The following CNTNAP4 variants were observed in gnomAD, a reference collection of about 807,000 sequenced individuals.
CNTNAP4 encodes contactin associated protein family member 4, also known as contactin-associated protein-like 4.
Under a neutral mutation model 148.4 loss-of-function variants are expected in CNTNAP4, and 98 were observed. That is an observed-to-expected ratio of 0.66 (90% CI 0.56 to 0.78). CNTNAP4 has a LOEUF of 0.78. CNTNAP4 is among the 30% of genes least tolerant of loss of function. The pLI is 0.00. For synonymous variants in CNTNAP4, 730 were observed against 565.1 expected (o/e 1.29, Z -4.14); for missense variants, 1,935 against 1,565.6 (o/e 1.24, Z -3.98).
chr16:76,343,637 T>C (rs764422383), intron 2 of CNTNAP4, among the ~76,000 whole-genome samples: 7 of 152,184 alleles, frequency 4.6e-5, no homozygotes, highest in Non-Finnish European at 8.8e-5. Flanking sequence ...AGTGCCTAGA[T>C]TGGAAAAATC....
At chr16:76,482,014 T>TA (rs1359041395) in intron 12 of CNTNAP4, among the ~76,000 whole-genome samples, 1 of 152,018 alleles carries the variant, frequency 6.6e-6, no homozygotes, top group Non-Finnish European at 1.5e-5. Flanking sequence ...TTTTTATTTT[T>TA]TTTTTTAATT....
intron 10 of CNTNAP4, among the ~76,000 whole-genome samples, chr16:76,474,488 C>G (rs9931673): frequency 6.6e-6 from 1 of 152,130 alleles, no homozygotes; most frequent in African/African-American, 2.4e-5. Context: ...CATAATATCT[C>G]TTTCAGATAA....
Position 76,539,756 on chromosome 16 carries a change from A to G in CNTNAP4, c.3258A>G (p.Gln1086=), listed in dbSNP as rs2084369206. The change falls in exon 20 of 24, where the codon CAA becomes CAG. Residue 1086 remains glutamine, a synonymous_variant. Transcript: ENST00000611870. ...TCAGGTACAAGTTAAATAAATATCA[A>G]GAGCCTGATGTTGTTAACTTTGATT... ...LQIRYKLNKY[Q]EPDVVNFDFK... The G allele has an allele frequency of 6.2e-7, 1 of 1,601,618 alleles. No homozygotes were observed. Among genetic ancestry groups the G allele is most frequent in the African/African-American group, 1.3e-5 (1 of 74,296 alleles).
intron 9 of CNTNAP4, among the ~76,000 whole-genome samples, chr16:76,466,593 T>C (rs571364317): frequency 6.6e-6 from 1 of 152,096 alleles, no homozygotes; most frequent in Non-Finnish European, 1.5e-5. Context: ...GATAAACTTA[T>C]TTATTCCACT....
intron 8 of CNTNAP4, among the ~76,000 whole-genome samples, chr16:76,453,812 C>T (rs892238759): frequency 5.3e-5 from 8 of 151,818 alleles, no homozygotes; most frequent in South Asian, 2.1e-4. Flanking sequence ...ACCGAGAATT[C>T]GATATTAGTT....
chr16:76,279,646 AT>A (rs1450017654), intron 1 of CNTNAP4, among the ~76,000 whole-genome samples: 3 of 152,182 alleles, frequency 2.0e-5, no homozygotes, highest in African/African-American at 7.2e-5. Context: ...ATTTTTCATT[AT>A]AAAAAACATT....
At chr16:76,377,107 G>A (rs1474350615) in intron 3 of CNTNAP4, among the ~76,000 whole-genome samples, 1 of 152,102 alleles carries the variant, frequency 6.6e-6, no homozygotes, top group African/African-American at 2.4e-5. Context: ...AAGTCCAAAG[G>A]CAGTGTGCTG....
chr16:76,554,911 T>G (rs7194639), intron 23 of CNTNAP4, among the ~76,000 whole-genome samples: 5,539 of 152,132 alleles, frequency 0.036, 321 homozygotes, highest in African/African-American at 0.12. Flanking sequence ...GTTTTGTTTG[T>G]TTAGCTTTTA....
chr16:76,385,605 C>A (rs567780164), intron 3 of CNTNAP4, among the ~76,000 whole-genome samples: 1 of 150,110 alleles, frequency 6.7e-6, no homozygotes, highest in South Asian at 2.1e-4. Context: ...TCTCATTATG[C>A]GTGGAAATTA....
At chr16:76,415,910 A>G (rs148869249) in intron 3 of CNTNAP4, among the ~76,000 whole-genome samples, 385 of 133,630 alleles carry the variant, frequency 2.9e-3, no homozygotes, top group African/African-American at 9.7e-3. Context: ...GTAATTTCCC[A>G]TTGTATAGAT....
intron 10 of CNTNAP4, 97 bp from the exon 11 acceptor site, chr16:76,475,842 A>T: frequency 1.4e-6 from 1 of 738,240 alleles, no homozygotes; most frequent in Non-Finnish European, 2.3e-6. Flanking sequence ...ATTATGTTAT[A>T]GTTGACATCT....
chr16:76,558,849 G>T lies in CNTNAP4; in HGVS notation c.*166G>T, dbSNP rs2085306450. ...GTGGCTCCAGGAAGCCTCGTCCAGT[G>T]ATATATTTCTCATAGCATTCATTCT... On this transcript the variant is annotated 3_prime_UTR_variant, in exon 24 of 24. Coordinates refer to ENST00000611870, the MANE Select transcript of CNTNAP4 (RefSeq NM_033401.5). 4.0e-6 allele frequency: 2 copies of T among 494,332 alleles called. No homozygotes were observed. The highest frequency in any genetic ancestry group is 7.1e-6 in the Non-Finnish European group (2 of 280,180). 30.6% of individuals were successfully genotyped at this position (494,332 alleles called of 1,614,324 possible). A position where few individuals can be genotyped will look rare whatever the true frequency, so the allele number is the denominator to read the frequency against.
At chr16:76,443,290 G>A (rs548750501) in intron 4 of CNTNAP4, among the ~76,000 whole-genome samples, 6 of 152,066 alleles carry the variant, frequency 3.9e-5, no homozygotes, top group African/African-American at 1.2e-4. Context: ...TACAAATTTT[G>A]TTAACTTCAG....
At chr16:76,345,393 T>C (rs1015081054) in intron 2 of CNTNAP4, among the ~76,000 whole-genome samples, 3 of 152,220 alleles carry the variant, frequency 2.0e-5, no homozygotes, top group Non-Finnish European at 4.4e-5. Flanking sequence ...AAACAGTGAT[T>C]TCCTGTCAAA....
At chr16:76,369,228 C>G (rs1021738397) in intron 3 of CNTNAP4, among the ~76,000 whole-genome samples, 1 of 152,066 alleles carries the variant, frequency 6.6e-6, no homozygotes, top group African/African-American at 2.4e-5. Flanking sequence ...TGCAATATAA[C>G]AAAATAATAC....
At chr16:76,434,642 C>A (rs374328793) in intron 4 of CNTNAP4, among the ~76,000 whole-genome samples, 20 of 152,218 alleles carry the variant, frequency 1.3e-4, no homozygotes, top group Middle Eastern at 3.2e-3. Context: ...ATCTCTGCAG[C>A]CCCTCCAGGG....
intron 3 of CNTNAP4, among the ~76,000 whole-genome samples, chr16:76,387,714 AAAATATT>A (rs1188644337): frequency 6.6e-6 from 1 of 152,226 alleles, no homozygotes. Flanking sequence ...GAACATGGAC[AAAATATT>A]AATTGCATAT....
Position 76,355,843 on chromosome 16 carries a change from TA to T in CNTNAP4, c.390+333del, listed in dbSNP as rs1673493597. 1.5e-4 allele frequency among the ~76,000 whole-genome samples: 5 copies of T among 33,218 alleles called. No individual in the cohort carries two copies. In the South Asian group the frequency reaches 2.1e-3, roughly 14 times the overall value. 21.8% of individuals were successfully genotyped at this position (33,218 alleles called of 152,430 possible). ...AACATAATAGTCTTGCATTGTCTTT[TA>T]TTTATTTATTTATTTATTTATTTAT... is the stretch of plus-strand genomic sequence containing the variant. On this transcript the variant is annotated intron_variant, in intron 3 of 23. Transcript: ENST00000611870.
chr16:76,277,803 A>G (rs1958536365), intron 1 of CNTNAP4, 56 bp downstream of exon 1: 4 of 1,073,594 alleles, frequency 3.7e-6, no homozygotes, highest in East Asian at 2.6e-5. Context: ...CAAAACTTTG[A>G]TTCTGTTGGT....
Sources: gnomAD v4.1 joint callset for allele counts (sites outside exome capture counted in the v4.1 genomes callset) on GRCh38, gnomAD v4.1.1 for gene constraint, MANE v1.5 for transcripts, NCBI Gene and HGNC (gene_info 2026-07-23, HGNC 2026-07-21) for gene names.